MELTF: variants seen among roughly 807,000 people sequenced by gnomAD.
MELTF encodes melanotransferrin, also known as antigen p97 (melanoma associated) identified by monoclonal antibodies 133.2 and 96.5.
MELTF carries 67 observed loss-of-function variants against 83.7 expected under a neutral mutation model. The ratio of observed to expected loss-of-function variants is 0.80; its 90% confidence interval spans 0.66 to 0.98. The LOEUF (loss-of-function observed/expected upper bound fraction) is 0.98. MELTF is among the 50% of genes least tolerant of loss of function. The probability of loss-of-function intolerance (pLI) is 0.00; values close to 1 mark genes in which losing one functional copy is unlikely to be tolerated. For missense variants in MELTF, 1,002 were observed against 1,035.6 expected (o/e 0.97, Z 0.44); for synonymous variants, 462 against 447.6 (o/e 1.03, Z -0.41).
chr3:197,006,527 A>AG lies in MELTF; in HGVS notation c.1938+21dup, dbSNP rs751301581. 6.2e-7 allele frequency: 1 copy of AG among 1,605,530 alleles called. No individual in the cohort carries two copies. The highest frequency in any genetic ancestry group is 8.5e-7 in the Non-Finnish European group (1 of 1,175,878). ...TACCTCTGCTGCACACCCCTCAATG[A>AG]GGTAGCCCCACCCTGGCTCACCTGG... On this transcript the variant is annotated intron_variant, in intron 14 of 15. Coordinates refer to ENST00000296350, the MANE Select transcript of MELTF (RefSeq NM_005929.6). The surrounding 1 kb of genome is among the most constrained non-coding windows in gnomAD (Gnocchi z 5.4).
In MELTF at chr3:197,016,191, T is replaced by A. The variant is rs1188208816; in HGVS notation, c.1079A>T (p.Asn360Ile). Residue 360 changes from asparagine (N) to isoleucine (I), a missense_variant and splice_region_variant, in exon 8 of 16, where the codon AAC becomes ATC. Transcript: ENST00000296350. ...HAMKGLLCDP[N>I]RLPPYLRWCV... ...GCAGTGGGGACAGGTGGACTTACGG[T>A]TGGGGTCACAGAGCAGACCCTTCAT... 1 of 1,531,590 alleles carries A rather than the reference T, an allele frequency of 6.5e-7. No homozygotes were observed. Among genetic ancestry groups the A allele is most frequent in the South Asian group, 1.3e-5 (1 of 78,648 alleles). 94.9% of individuals were successfully genotyped at this position (1,531,590 alleles called of 1,614,324 possible). A position where few individuals can be genotyped will look rare whatever the true frequency, so the allele number is the denominator to read the frequency against.
Position 197,007,213 on chromosome 3 carries a change from T to A in MELTF, c.1751-477A>T, listed in dbSNP as rs1272189476. On this transcript the variant is annotated intron_variant, in intron 13 of 15. Transcript: ENST00000296350. The surrounding 1 kb of genome is among the most constrained non-coding windows in gnomAD (Gnocchi z 4.3). ...AACAGGGTATAGCATCACTTGTGGA[T>A]GCAGAAGGCAGCTTCAAGGGCCCTT... is the stretch of plus-strand genomic sequence containing the variant. Among the ~76,000 whole-genome samples the A allele has an allele frequency of 6.6e-6, 1 of 152,172 alleles. No individual in the cohort carries two copies. Among genetic ancestry groups the A allele is most frequent in the African/African-American group, 2.4e-5 (1 of 41,434 alleles).
In MELTF at chr3:197,023,043, A is replaced by C. The variant is rs555921088; in HGVS notation, c.558T>G (p.Cys186Trp). The C allele has an allele frequency of 9.3e-5, 150 of 1,613,834 alleles. No individual in the cohort carries two copies. Among genetic ancestry groups the C allele is most frequent in the Non-Finnish European group, 1.1e-4 (135 of 1,180,006 alleles). The change falls in exon 5 of 16, where the codon TGT becomes TGG. Residue 186 changes from cysteine to tryptophan, a missense_variant. Coordinates refer to ENST00000296350, the MANE Select transcript of MELTF (RefSeq NM_005929.6). The part of the protein sequence containing the change: ...AGETSYSESL[C>W]RLCRGDSSGE... ...CAGAGCTGTCACCCCTGCAGAGGCG[A>C]CAGAGGGACTCAGAGTAACTGGTCT...
rs1056928661 is a variant in MELTF at position 197,029,519 on chromosome 3, C to A, written c.49+135G>T. 71 of 649,944 alleles carry A rather than the reference C, an allele frequency of 1.1e-4. No individual in the cohort carries two copies. The East Asian group carries it at 2.4e-3, about 22-fold the overall frequency. 40.3% of individuals were successfully genotyped at this position (649,944 alleles called of 1,614,324 possible). On this transcript the variant is annotated intron_variant, in intron 1 of 15. Transcript: ENST00000296350. The surrounding 1 kb of genome is among the most constrained non-coding windows in gnomAD (Gnocchi z 6.5). ...TTCCCTCCGCCGTCCTCACTCGACCCCGAGCCCCTGCCTCCCCCGTCTCAC... is the reference window on the plus strand; with the variant it reads ...TTCCCTCCGCCGTCCTCACTCGACCACGAGCCCCTGCCTCCCCCGTCTCAC...
Position 197,014,383 on chromosome 3 carries a change from G to GTTTTTTTTT in MELTF, c.1233+973_1233+981dup, listed in dbSNP as rs71623319. ...GTAGGGGAAGGGAGGAATAGGGAGA[G>GTTTTTTTTT]TTTTTTTTTTTTTTTTTTTTTTTGA... On this transcript the variant is annotated intron_variant, in intron 9 of 15. Coordinates refer to ENST00000296350, the MANE Select transcript of MELTF (RefSeq NM_005929.6). Among the ~76,000 whole-genome samples the GTTTTTTTTT allele has an allele frequency of 2.1e-3, 215 of 101,040 alleles. 15 individuals carry two copies. Among genetic ancestry groups the GTTTTTTTTT allele is most frequent in the African/African-American group, 7.9e-3 (191 of 24,114 alleles). 66.3% of individuals were successfully genotyped at this position (101,040 alleles called of 152,430 possible).
At chr3:197,015,658 C>G in intron 8 of MELTF, 142 bp from the exon 9 acceptor site, 1 of 957,666 alleles carries the variant, frequency 1.0e-6, no homozygotes, top group East Asian at 2.7e-5. Flanking sequence ...ATCCCACTTC[C>G]TCACACAGAA....
In MELTF at chr3:197,008,828, C is replaced by T. The variant is rs1434364252; in HGVS notation, c.1663G>A (p.Gly555Ser). 21 of 1,614,150 alleles carry T rather than the reference C, an allele frequency of 1.3e-5. No individual in the cohort carries two copies. The highest frequency in any genetic ancestry group is 1.1e-4 in the East Asian group (5 of 44,888). The change falls in exon 12 of 16, where the codon GGC becomes AGC. Residue 555 changes from glycine to serine, a missense_variant. Transcript: ENST00000296350. This position sits in a 1 kb window ranked among gnomAD's most constrained non-coding sequence, Gnocchi z 5.4. ...CVGNSQERYYGYRGAFRCLVE... is the reference protein window; with the variant it reads ...CVGNSQERYYSYRGAFRCLVE... Reference sequence around the variant, plus strand: ...GGGTACCTGAAGGCGCCGCGGTAGCCGTAATACCGCTCCTGGCTGTTGCCC... The same window carrying T: ...GGGTACCTGAAGGCGCCGCGGTAGCTGTAATACCGCTCCTGGCTGTTGCCC...
At chr3:197,021,571 G>A in intron 5 of MELTF, 100 bp from the exon 6 acceptor site, 5 of 1,070,924 alleles carry the variant, frequency 4.7e-6, no homozygotes, top group Non-Finnish European at 7.0e-6. Flanking sequence ...TGGCCATGAT[G>A]GGCATGGGCT....
Position 197,003,257 on chromosome 3 carries a change from C to T in MELTF, c.*115G>A. The T allele has an allele frequency of 9.8e-7, 1 of 1,017,064 alleles. No individual in the cohort carries two copies. The highest frequency in any genetic ancestry group is 1.2e-6 in the Non-Finnish European group (1 of 850,922). The allele number at this position is 1,017,064 out of a possible 1,614,324, so 63.0% of individuals were successfully genotyped here. ...GGCGGCGGGGCTCCCGGGGAGGCGC[C>T]TGCTCCCGCCCACGCCGGGCCCGGC... is the stretch of plus-strand genomic sequence containing the variant. On this transcript the variant is annotated 3_prime_UTR_variant, in exon 16 of 16. Coordinates refer to ENST00000296350, the MANE Select transcript of MELTF (RefSeq NM_005929.6). This position sits in a 1 kb window ranked among gnomAD's most constrained non-coding sequence, Gnocchi z 6.2.
chr3:197,012,020 C>T (rs1018868657), intron 9 of MELTF, among the ~76,000 whole-genome samples: 12 of 152,202 alleles, frequency 7.9e-5, no homozygotes. Context: ...GAAATAAAGA[C>T]CCTCCCAACG....
chr3:197,009,492 A>C (rs949545931), intron 11 of MELTF, 126 bp downstream of exon 11: 1 of 855,950 alleles, frequency 1.2e-6, no homozygotes, highest in Non-Finnish European at 1.8e-6. Context: ...GCTTATGGAG[A>C]TACCTGGGCA....
chr3:197,027,943 C>A (rs766588253), intron 1 of MELTF, 33 bp from the exon 2 acceptor site: 1 of 1,537,640 alleles, frequency 6.5e-7, no homozygotes, highest in South Asian at 1.2e-5. Context: ...CCCGGCTCCC[C>A]CGCCCTGCCC....
intron 10 of MELTF, among the ~76,000 whole-genome samples, chr3:197,010,108 C>T (rs1324891549): frequency 2.0e-5 from 3 of 152,246 alleles, no homozygotes; most frequent in African/African-American, 7.2e-5. Flanking sequence ...TGGTATTTTT[C>T]TCACTACCCA....
Position 197,024,156 on chromosome 3 carries a change from G to GGC in MELTF, c.487+146_487+147insGC. The stretch of plus-strand genomic sequence containing the variant: ...CGGCGGCAGAGTGGAGGCGGGGGAG[G>GGC]CACGGGGCGGGCGGGGGCTGCTGCG... On this transcript the variant is annotated intron_variant, in intron 4 of 15. Coordinates refer to ENST00000296350, the MANE Select transcript of MELTF (RefSeq NM_005929.6). The surrounding 1 kb of genome is among the most constrained non-coding windows in gnomAD (Gnocchi z 5.3). The GGC allele has an allele frequency of 1.3e-6, 1 of 786,680 alleles. No individual in the cohort carries two copies. Among genetic ancestry groups the GGC allele is most frequent in the South Asian group, 2.0e-5 (1 of 50,106 alleles). 48.7% of individuals were successfully genotyped at this position (786,680 alleles called of 1,614,324 possible). A position where few individuals can be genotyped will look rare whatever the true frequency, so the allele number is the denominator to read the frequency against.
In MELTF at chr3:197,026,714, C is replaced by T. The variant is rs747483103; in HGVS notation, c.250G>A (p.Glu84Lys). The T allele has an allele frequency of 6.8e-6, 11 of 1,613,368 alleles. No homozygotes were observed. Among genetic ancestry groups the T allele is most frequent in the Admixed American group, 1.7e-5 (1 of 60,014 alleles). Residue 84 changes from glutamate (E) to lysine (K), a missense_variant, in exon 3 of 16, where the codon GAG becomes AAG. Coordinates refer to ENST00000296350, the MANE Select transcript of MELTF (RefSeq NM_005929.6). ...TTCAGGCCGTGCTCCTTTCCCGCCT[C>T]ATAGATGGCTCCTCCATCCAGAGTG... ...AITLDGGAIY[E>K]AGKEHGLKPV...
intron 6 of MELTF, chr3:197,019,003 C>A (rs1352028118): frequency 9.1e-6 from 9 of 985,374 alleles, no homozygotes; most frequent in Non-Finnish European, 1.1e-5. Flanking sequence ...AAAAAAACCT[C>A]TACAAGGAAA....
intron 3 of MELTF, chr3:197,026,380 G>A (rs558225836): frequency 6.0e-5 from 26 of 430,110 alleles, no homozygotes; most frequent in East Asian, 5.0e-4. Context: ...CCGGCACCAC[G>A]CCAGGCCCGG....
chr3:197,009,090 C>T, intron 11 of MELTF, 125 bp from the exon 12 acceptor site: 1 of 1,085,834 alleles, frequency 9.2e-7, no homozygotes, highest in Non-Finnish European at 1.3e-6. Flanking sequence ...CACCTGTCTG[C>T]TCCGCTCCCC....
At chr3:197,013,125 G>A (rs1051609987) in intron 9 of MELTF, among the ~76,000 whole-genome samples, 3 of 152,174 alleles carry the variant, frequency 2.0e-5, no homozygotes, top group South Asian at 2.1e-4. Context: ...AATAGCCAAA[G>A]CAATCCTAAG....
Sources: allele counts gnomAD v4.1 joint callset (sites outside exome capture counted in the v4.1 genomes callset), GRCh38; gene constraint gnomAD v4.1.1; non-coding constraint Gnocchi (gnomAD v3.1); transcripts MANE v1.5; gene names NCBI Gene and HGNC (gene_info 2026-07-23, HGNC 2026-07-21).